Variants in RGS3 observed in about 807,000 individuals in gnomAD.
RGS3 encodes regulator of G-protein signalling 3.
A neutral mutation model predicts 132.6 loss-of-function variants in RGS3; 80 were observed. The ratio of observed to expected loss-of-function variants is 0.60; its 90% CI spans 0.50 to 0.73. RGS3 has a LOEUF of 0.73. Among genes scored for constraint, RGS3 ranks in the 30% least tolerant of loss-of-function variants. The pLI is 0.00. For missense variants in RGS3, 1,382 were observed against 1,530.8 expected (o/e 0.90, Z 1.62); for synonymous variants, 598 against 620.6 (o/e 0.96, Z 0.54).
At chr9:113,456,860 C>A (rs555661738), upstream of RGS3, among the ~76,000 whole-genome samples, 1 of 152,060 alleles carries the variant, frequency 6.6e-6, no homozygotes, top group Admixed American at 6.5e-5. Flanking sequence ...GAGTACAATG[C>A]GATGATCTCA....
chr9:113,465,974 T>G (rs1284383987), intron 3 of RGS3, among the ~76,000 whole-genome samples: 1 of 152,218 alleles, frequency 6.6e-6, no homozygotes, highest in Non-Finnish European at 1.5e-5. Context: ...ACTGATCTGC[T>G]TATGAGCAAA....
In RGS3 at chr9:113,484,175, AG is replaced by A. The variant is rs749040361; in HGVS notation, c.564del (p.Lys189ArgfsTer50). The A allele has an allele frequency of 6.2e-7, 1 of 1,613,222 alleles. No individual in the cohort carries two copies. The highest frequency in any genetic ancestry group is 1.7e-5 in the Admixed American group (1 of 59,998). On this transcript the variant is annotated frameshift_variant, in exon 6 of 25. Coordinates refer to ENST00000350696, the Ensembl canonical transcript of RGS3. LOFTEE classifies it high-confidence loss of function. ...CCTGAAGATAGTAGACTACGCCACC[AG>A]AAGACGCAGACCGTTCCAGACTGCA...
chr9:113,518,497 C>T (rs1467146322), intron 16 of RGS3, among the ~76,000 whole-genome samples: 3 of 152,206 alleles, frequency 2.0e-5, no homozygotes, highest in African/African-American at 7.2e-5. Flanking sequence ...AGGGCAGGGT[C>T]AGAGGTTGGT....
chr9:113,523,026 G>A, exon 17 of RGS3: 1 of 1,612,678 alleles, frequency 6.2e-7, no homozygotes. Context: ...CCTCCAGAGT[G>A]TGAAGCTGCA....
At position 113,507,345 on chromosome 9, in the gene RGS3, GGA is replaced by G. The variant is rs1359796067; in HGVS notation, c.1145_1146del (p.Gly382AlafsTer16). On this transcript the variant is annotated frameshift_variant, in exon 13 of 25. Coordinates refer to ENST00000350696, the Ensembl canonical transcript of RGS3. LOFTEE classifies it high-confidence loss of function. The surrounding 1 kb of genome is among the most constrained non-coding windows in gnomAD (Gnocchi z 5.0). ...GCGCATGGTCCCCCAGGTCAAGCCA[GGA>G]CCAGATGGCGGGGTCCTGCGGCGGG... 1 of 1,613,906 alleles carries G rather than the reference GGA, an allele frequency of 6.2e-7. No individual in the cohort carries two copies. Among genetic ancestry groups the G allele is most frequent in the Non-Finnish European group, 8.5e-7 (1 of 1,180,038 alleles).
chr9:113,463,626 T>G lies in RGS3; in HGVS notation c.415+1425T>G. 9.4e-7 allele frequency: 1 copy of G among 1,059,848 alleles called. No homozygotes were observed. Among genetic ancestry groups the G allele is most frequent in the Non-Finnish European group, 1.2e-6 (1 of 825,268 alleles). The allele number at this position is 1,059,848 out of a possible 1,614,324, so 65.7% of individuals were successfully genotyped here. A position where few individuals can be genotyped will look rare whatever the true frequency, so the allele number is the denominator to read the frequency against. Reference sequence around the variant, plus strand: ...CCAGCTCTGCTCCGGCAGGTGGAACTCTCCCCATTCAAACCCGCGCGGGCC... The same window carrying G: ...CCAGCTCTGCTCCGGCAGGTGGAACGCTCCCCATTCAAACCCGCGCGGGCC... On this transcript the variant is annotated intron_variant, in intron 3 of 24. Coordinates refer to ENST00000350696, the Ensembl canonical transcript of RGS3. This position sits in a 1 kb window ranked among gnomAD's most constrained non-coding sequence, Gnocchi z 4.6.
At chr9:113,595,393 A>G (rs1416036148) in intron 23 of RGS3, 4 of 589,162 alleles carry the variant, frequency 6.8e-6, no homozygotes, top group Admixed American at 3.0e-5. Flanking sequence ...ACACTGAGGC[A>G]TAGAGAGGGG....
chr9:113,537,947 C>G lies in RGS3; in HGVS notation c.2037+1029C>G, dbSNP rs906580296. ...TTACATCATCTTAGCTGTGAACGTT[C>G]TCTTGTTTTACACTAGCTAGTGGCA... is the stretch of plus-strand genomic sequence containing the variant. On this transcript the variant is annotated intron_variant, in intron 19 of 24. Coordinates refer to ENST00000350696, the Ensembl canonical transcript of RGS3. The surrounding 1 kb of genome is among the most constrained non-coding windows in gnomAD (Gnocchi z 4.3). 6.6e-6 allele frequency among the ~76,000 whole-genome samples: 1 copy of G among 152,192 alleles called. No individual in the cohort carries two copies. Among genetic ancestry groups the G allele is most frequent in the African/African-American group, 2.4e-5 (1 of 41,434 alleles).
intron 19 of RGS3, chr9:113,582,877 A>C (rs1834895418): frequency 6.4e-6 from 1 of 156,434 alleles, no homozygotes. Flanking sequence ...TTCCGGTTTC[A>C]TTCCAGTTTA....
intron 7 of RGS3, among the ~76,000 whole-genome samples, chr9:113,487,390 C>T (rs1178553466): frequency 1.3e-5 from 2 of 152,150 alleles, no homozygotes; most frequent in African/African-American, 4.8e-5. Flanking sequence ...GGATTACAGG[C>T]GTGAGCCACC....
intron 19 of RGS3, chr9:113,541,537 T>C: frequency 6.5e-7 from 1 of 1,535,920 alleles, no homozygotes. Context: ...ACCAAGATGG[T>C]GGGTCTAGGG....
intron 19 of RGS3, among the ~76,000 whole-genome samples, chr9:113,548,795 C>T (rs10981820): frequency 0.12 from 18,013 of 152,196 alleles, 1,291 homozygotes; most frequent in African/African-American, 0.19. Flanking sequence ...CTGGCTGTTT[C>T]AGCACAGTGG....
intron 1 of RGS3, among the ~76,000 whole-genome samples, chr9:113,454,143 C>T (rs543682338): frequency 6.6e-6 from 1 of 151,998 alleles, no homozygotes; most frequent in Non-Finnish European, 1.5e-5. Flanking sequence ...CGGTTGGTTT[C>T]TATTGATTTT....
rs1833026273 is a variant in RGS3, at chr9:113,544,381, G to C, written c.2037+7463G>C. On this transcript the variant is annotated intron_variant, in intron 19 of 24. Coordinates refer to ENST00000350696, the Ensembl canonical transcript of RGS3. ...TCTATCCTGTAAGCCATCAGGCCTG[G>C]ATCTCTGCTGGCCTGGGTCTTTTGG... Among the ~76,000 whole-genome samples, 6 of 151,578 alleles carry C rather than the reference G, an allele frequency of 4.0e-5. No individual in the cohort carries two copies. In the South Asian group the frequency reaches 1.3e-3, roughly 32 times the overall value.
chr9:113,446,979 G>C (rs1048761517), intron 1 of RGS3, among the ~76,000 whole-genome samples: 1 of 151,886 alleles, frequency 6.6e-6, no homozygotes, highest in Non-Finnish European at 1.5e-5. Context: ...ATACAGGGAG[G>C]GGCCGGATGC....
At chr9:113,541,361 G>T (rs540256544) in intron 19 of RGS3, 1 of 1,613,732 alleles carries the variant, frequency 6.2e-7, no homozygotes, top group African/African-American at 1.3e-5. Context: ...AGATGGGGCC[G>T]GTCAACTCAA....
At chr9:113,572,403 G>A (rs1001727496) in intron 19 of RGS3, among the ~76,000 whole-genome samples, 8 of 152,020 alleles carry the variant, frequency 5.3e-5, no homozygotes, top group African/African-American at 9.7e-5. Context: ...AGGAGGCAGC[G>A]GTGAGGCTGA....
At chr9:113,526,754 T>G (rs1480775229) in intron 17 of RGS3, among the ~76,000 whole-genome samples, 1 of 152,190 alleles carries the variant, frequency 6.6e-6, no homozygotes, top group Non-Finnish European at 1.5e-5. Context: ...TCCTGCATGG[T>G]CCATGTATTC....
At chr9:113,542,837 C>A (rs1175719516) in intron 19 of RGS3, among the ~76,000 whole-genome samples, 1 of 152,210 alleles carries the variant, frequency 6.6e-6, no homozygotes, top group African/African-American at 2.4e-5. Flanking sequence ...TAGGAAGCTG[C>A]CACACAGTGC....
Sources: allele counts gnomAD v4.1 joint callset (sites outside exome capture counted in the v4.1 genomes callset), GRCh38; gene constraint gnomAD v4.1.1; non-coding constraint Gnocchi (gnomAD v3.1); transcripts MANE v1.5; gene names NCBI Gene and HGNC (gene_info 2026-07-23, HGNC 2026-07-21).